HDAC8: variants seen among roughly 807,000 people sequenced by gnomAD.
HDAC8 encodes histone deacetylase-like 1.
Under a neutral mutation model 32.2 loss-of-function variants are expected in HDAC8, and 1 was observed. The ratio of observed to expected loss-of-function variants is 0.03; its 90% CI spans 0.01 to 0.15. HDAC8 has a LOEUF of 0.15. Among genes scored for constraint, HDAC8 ranks in the 10% least tolerant of loss-of-function variants. The pLI, the probability that HDAC8 is intolerant of heterozygous loss-of-function variation, is 1.00. For synonymous variants in HDAC8, 108 were observed against 113.9 expected (o/e 0.95, Z 0.33); for missense variants, 117 against 300.0 (o/e 0.39, Z 4.51).
intron 10 of HDAC8, among the ~76,000 whole-genome samples, chrX:72,339,479 G>A (rs782256302): frequency 3.6e-5 from 4 of 112,601 alleles, no homozygotes; most frequent in Non-Finnish European, 5.6e-5. Flanking sequence ...GCTTCACAGA[G>A]TAGGTGGTTT....
chrX:72,567,022 G>A (rs781996522), intron 4 of HDAC8, among the ~76,000 whole-genome samples: 16 of 112,107 alleles, frequency 1.4e-4, no homozygotes, highest in Non-Finnish European at 2.4e-4. Flanking sequence ...GCGGGTGCCT[G>A]TAATTCCAGC....
At chrX:72,440,010 A>G (rs782784054) in intron 9 of HDAC8, among the ~76,000 whole-genome samples, 6 of 112,259 alleles carry the variant, frequency 5.3e-5, no homozygotes, top group South Asian at 3.7e-4. Flanking sequence ...CCACAAATCA[A>G]CAGAATACAC....
chrX:72,565,280 A>C (rs782604966), intron 4 of HDAC8, among the ~76,000 whole-genome samples: 1 of 112,349 alleles, frequency 8.9e-6, no homozygotes, highest in South Asian at 3.7e-4. Context: ...GTTTAAGCAA[A>C]TATTGTGATT....
At chrX:72,350,641 T>C (rs1297162363) in intron 10 of HDAC8, among the ~76,000 whole-genome samples, 1 of 112,369 alleles carries the variant, frequency 8.9e-6, no homozygotes, top group Non-Finnish European at 1.9e-5. Flanking sequence ...TACACATATG[T>C]ATATGTACAT....
chrX:72,535,564 C>G (rs2147433622), intron 4 of HDAC8, among the ~76,000 whole-genome samples: 1 of 111,340 alleles, frequency 9.0e-6, no homozygotes, highest in South Asian at 3.7e-4. Flanking sequence ...CTGCTCTTTG[C>G]TTTATGTTAG....
intron 9 of HDAC8, among the ~76,000 whole-genome samples, chrX:72,361,744 G>T (rs782178571): frequency 7.3e-5 from 8 of 109,895 alleles, no homozygotes; most frequent in Non-Finnish European, 1.5e-4. Context: ...ATAAGGTCTG[G>T]TGACTGCTCT....
At chrX:72,563,848 G>C (rs1556127066) in intron 4 of HDAC8, among the ~76,000 whole-genome samples, 1 of 111,497 alleles carries the variant, frequency 9.0e-6, no homozygotes, top group Non-Finnish European at 1.9e-5. Flanking sequence ...AGGAAACTGA[G>C]TACCATCTTT....
intron 9 of HDAC8, among the ~76,000 whole-genome samples, chrX:72,358,159 C>T (rs782568599): frequency 4.5e-5 from 5 of 111,082 alleles, no homozygotes; most frequent in Non-Finnish European, 7.6e-5. Context: ...TTAAGTGATC[C>T]GCTCGCCTCA....
chrX:72,440,417 A>G (rs1040769481), intron 9 of HDAC8, among the ~76,000 whole-genome samples: 1 of 111,466 alleles, frequency 9.0e-6, no homozygotes, highest in African/African-American at 3.3e-5. Flanking sequence ...TAAAACAACT[A>G]GAGAAGCAAG....
At chrX:72,470,149 A>AATAC (rs201216050) in intron 7 of HDAC8, among the ~76,000 whole-genome samples, 16,558 of 96,881 alleles carry the variant, frequency 0.17, 1,545 homozygotes, top group East Asian at 0.42. Flanking sequence ...CACAGTCTCA[A>AATAC]ATACATACAT....
At chrX:72,472,128 C>T (rs1393057900) in intron 7 of HDAC8, among the ~76,000 whole-genome samples, 2 of 104,665 alleles carry the variant, frequency 1.9e-5, no homozygotes, top group Non-Finnish European at 3.9e-5. Context: ...AGTGCAGTGG[C>T]GGGATCTCGG....
At chrX:72,413,451 T>C (rs975851177) in intron 9 of HDAC8, among the ~76,000 whole-genome samples, 1 of 110,689 alleles carries the variant, frequency 9.0e-6, no homozygotes, top group Non-Finnish European at 1.9e-5. Context: ...GATGAAGCTG[T>C]GTAACTGGTT....
At chrX:72,450,730 C>A (rs1254327599) in intron 9 of HDAC8, among the ~76,000 whole-genome samples, 1 of 110,135 alleles carries the variant, frequency 9.1e-6, no homozygotes, top group Admixed American at 9.7e-5. Context: ...GAGAAAAAAA[C>A]TGAAAAAAAT....
At chrX:72,553,828 A>AG (rs1410363521) in intron 4 of HDAC8, among the ~76,000 whole-genome samples, 2 of 112,435 alleles carry the variant, frequency 1.8e-5, no homozygotes, top group Admixed American at 1.9e-4. Context: ...GACTGTATTT[A>AG]TAGAAAAAAA....
rs113014852 is a variant in HDAC8, at chrX:72,540,464, T to C, written c.437+27425A>G. On this transcript the variant is annotated intron_variant, in intron 4 of 10. Transcript: ENST00000373573. ...TAAATAGAAACGAGAATGACGTTAA[T>C]AGAATTTCATTAAGCGGAGAACATA... Among the ~76,000 whole-genome samples, 864 of 111,335 alleles carry C rather than the reference T, an allele frequency of 7.8e-3. 8 individuals are homozygous for C. Among genetic ancestry groups the C allele is most frequent in the African/African-American group, 0.026 (789 of 30,730 alleles).
At position 72,528,463 on chromosome X, in the gene HDAC8, C is replaced by T. The variant is rs782071517; in HGVS notation, c.438-33195G>A. Among the ~76,000 whole-genome samples, 7 of 111,990 alleles carry T rather than the reference C, an allele frequency of 6.3e-5. No individual in the cohort carries two copies. In the South Asian group the frequency reaches 2.3e-3, roughly 36 times the overall value. The stretch of plus-strand genomic sequence containing the variant: ...CAATGAATTTTGTTAACTTTTAAAA[C>T]GGCCTGAGTATCAAATGGGCTTCCC... On this transcript the variant is annotated intron_variant, in intron 4 of 10. Transcript: ENST00000373573.
chrX:72,525,813 C>CAAAAAAA (rs57801277), intron 4 of HDAC8, among the ~76,000 whole-genome samples: 8 of 21,550 alleles, frequency 3.7e-4, no homozygotes, highest in Admixed American at 1.1e-3. Flanking sequence ...GACTCTGTCT[C>CAAAAAAA]AAAAAAAAAA....
intron 1 of HDAC8, 52 bp downstream of exon 1, chrX:72,572,599 G>GCCACCCCC: frequency 2.2e-6 from 1 of 453,102 alleles, no homozygotes; most frequent in Non-Finnish European, 3.3e-6. Context: ...TTCGTCCACC[G>GCCACCCCC]CCCCCACCCC....
chrX:72,402,043 G>T (rs1461896598), intron 9 of HDAC8, among the ~76,000 whole-genome samples: 1 of 111,637 alleles, frequency 9.0e-6, no homozygotes, highest in Non-Finnish European at 1.9e-5. Context: ...ATTATTGTAG[G>T]TCTATTCAGA....
Sources: allele counts gnomAD v4.1 joint callset (sites outside exome capture counted in the v4.1 genomes callset), GRCh38; gene constraint gnomAD v4.1.1; transcripts MANE v1.5; gene names NCBI Gene and HGNC (gene_info 2026-07-23, HGNC 2026-07-21).